PLCH1: variants seen among roughly 807,000 people sequenced by gnomAD.
The protein encoded by PLCH1 is phospholipase C eta 1.
In PLCH1, 60 loss-of-function variants were observed where a neutral mutation model predicts 126.7. The ratio of observed to expected loss-of-function variants is 0.47; its 90% CI spans 0.38 to 0.59. The LOEUF is 0.59. PLCH1 is among the 20% of genes least tolerant of loss of function. The pLI is 0.00. For synonymous variants in PLCH1, 719 were observed against 734.9 expected (o/e 0.98, Z 0.35); for missense variants, 1,723 against 2,040.0 (o/e 0.84, Z 2.99).
intron 6 of PLCH1, among the ~76,000 whole-genome samples, chr3:155,581,586 G>GAAGAGAT (rs541174376): frequency 1.1e-4 from 16 of 152,088 alleles, no homozygotes; most frequent in Non-Finnish European, 2.2e-4. Flanking sequence ...GAAATGTCCA[G>GAAGAGAT]AACAGATAAC....
chr3:155,571,739 G>T (rs915311444), intron 6 of PLCH1, among the ~76,000 whole-genome samples: 17 of 152,108 alleles, frequency 1.1e-4, no homozygotes, highest in African/African-American at 3.9e-4. Flanking sequence ...ATGCTATATT[G>T]TACACTTTAA....
intron 2 of PLCH1, among the ~76,000 whole-genome samples, chr3:155,667,902 T>TA (rs766010793): frequency 0.17 from 15,740 of 94,308 alleles, 1,806 homozygotes; most frequent in African/African-American, 0.27. Flanking sequence ...CCATCTCTAC[T>TA]TAAAAAAAAA....
In PLCH1 at chr3:155,548,318, T is replaced by A. The variant is rs566798148; in HGVS notation, c.1362+1469A>T. Among the ~76,000 whole-genome samples the A allele has an allele frequency of 2.9e-4, 44 of 152,348 alleles. 1 individual carries two copies. Among genetic ancestry groups the A allele is most frequent in the South Asian group, 1.4e-3 (7 of 4,832 alleles). The stretch of plus-strand genomic sequence containing the variant: ...TCCGCAGATCCAGGCAGCTCCTTAA[T>A]GTCTAAACAACATTACTACTAGCAA... On this transcript the variant is annotated intron_variant, in intron 10 of 22. Coordinates refer to ENST00000460012, the MANE Select transcript of PLCH1 (RefSeq NM_014996.4).
intron 2 of PLCH1, among the ~76,000 whole-genome samples, chr3:155,641,429 TG>T (rs1739389271): frequency 6.6e-6 from 1 of 152,110 alleles, no homozygotes; most frequent in Non-Finnish European, 1.5e-5. Context: ...GGTCAAAATT[TG>T]GGGGATAGGA....
chr3:155,561,411 C>A lies in PLCH1; in HGVS notation c.1069+3504G>T, dbSNP rs28660111. 3.8e-3 allele frequency among the ~76,000 whole-genome samples: 582 copies of A among 151,416 alleles called. 4 individuals are homozygous for A. Among genetic ancestry groups the A allele is most frequent in the Non-Finnish European group, 6.3e-3 (428 of 67,878 alleles). On this transcript the variant is annotated intron_variant, in intron 8 of 22. Coordinates refer to ENST00000460012, the MANE Select transcript of PLCH1 (RefSeq NM_014996.4). The stretch of plus-strand genomic sequence containing the variant: ...TGGTTTTTTGTTCTTGCGATAGTTT[C>A]CTGAGAATGATGATTTCCAATTTCA...
intron 21 of PLCH1, among the ~76,000 whole-genome samples, chr3:155,460,965 G>T (rs1158777020): frequency 2.0e-5 from 3 of 152,130 alleles, no homozygotes; most frequent in Admixed American, 1.3e-4. Flanking sequence ...CACTTAGTTT[G>T]TGTCTATTAT....
At chr3:155,727,040 TC>T (rs1748388487) in intron 1 of PLCH1, among the ~76,000 whole-genome samples, 1 of 151,962 alleles carries the variant, frequency 6.6e-6, no homozygotes, top group Non-Finnish European at 1.5e-5. Flanking sequence ...TGATTAATTT[TC>T]TATGCAGCTT....
chr3:155,564,487 C>A (rs1365503033), intron 8 of PLCH1, among the ~76,000 whole-genome samples: 1 of 152,100 alleles, frequency 6.6e-6, no homozygotes, highest in African/African-American at 2.4e-5. Context: ...ATCGCTTGAA[C>A]CTGGGAGGTG....
chr3:155,718,587 T>C (rs561486686), intron 1 of PLCH1, among the ~76,000 whole-genome samples: 9 of 152,254 alleles, frequency 5.9e-5, no homozygotes, highest in Admixed American at 3.3e-4. Context: ...CTCTTACTCA[T>C]GGTGGAAGGT....
chr3:155,596,516 GA>G (rs1248609222), intron 2 of PLCH1, 138 bp from the exon 3 acceptor site: 3 of 500,544 alleles, frequency 6.0e-6, no homozygotes, highest in Non-Finnish European at 1.0e-5. Context: ...GAGGTAATCT[GA>G]AAAGTGAGTT....
chr3:155,471,391 T>A (rs948465020), intron 21 of PLCH1, among the ~76,000 whole-genome samples: 2 of 151,600 alleles, frequency 1.3e-5, no homozygotes, highest in African/African-American at 4.9e-5. Context: ...CCTAAATATA[T>A]ATGCGCCCAA....
At chr3:155,561,109 C>A (rs1727528556) in intron 8 of PLCH1, among the ~76,000 whole-genome samples, 1 of 110,262 alleles carries the variant, frequency 9.1e-6, no homozygotes, top group Non-Finnish European at 2.5e-5. Flanking sequence ...TTCTAATCAC[C>A]TTTTCTTTTT....
At position 155,504,587 on chromosome 3, in the gene PLCH1, G is replaced by A. The variant is rs142222970; in HGVS notation, c.1672C>T (p.Arg558Ter). 1.2e-6 allele frequency: 2 copies of A among 1,606,968 alleles called. No homozygotes were observed. Among genetic ancestry groups the A allele is most frequent in the Non-Finnish European group, 1.7e-6 (2 of 1,173,556 alleles). Reference protein sequence around the residue: ...VKESGKKSHGRSLMTNFGKHK... With the variant: ...VKESGKKSHG Reference sequence around the variant, plus strand: ...TTTCCAAAGTTGGTCATGAGGGATCGTCCATGTGATTTCTTTCCACTTTCC... The same window carrying A: ...TTTCCAAAGTTGGTCATGAGGGATCATCCATGTGATTTCTTTCCACTTTCC... The change falls in exon 13 of 23, where the codon CGA (arginine) becomes TGA (stop). Residue 558 changes from arginine to a stop codon, truncating the protein, a stop_gained. Coordinates refer to ENST00000460012, the MANE Select transcript of PLCH1 (RefSeq NM_014996.4). LOFTEE classifies it high-confidence loss of function.
chr3:155,740,069 ATG>A (rs1366989235), intron 1 of PLCH1, among the ~76,000 whole-genome samples: 1 of 152,186 alleles, frequency 6.6e-6, no homozygotes, highest in Non-Finnish European at 1.5e-5. Context: ...TGTGTACCAT[ATG>A]TGTTCTCATG....
chr3:155,567,719 C>T (rs904576690), intron 7 of PLCH1, among the ~76,000 whole-genome samples: 4 of 152,088 alleles, frequency 2.6e-5, no homozygotes, highest in African/African-American at 9.7e-5. Context: ...TAACTGTGGG[C>T]AAATTATTTA....
In PLCH1 at chr3:155,544,666, T is replaced by A. The variant is rs1184956322; in HGVS notation, c.1362+5121A>T. ...AGCTCTCCTCAGCAAATGTAAAAGA[T>A]CAGAAATTATAACAAACTGTCTCTC... On this transcript the variant is annotated intron_variant, in intron 10 of 22. Transcript: ENST00000460012. 1.3e-4 allele frequency among the ~76,000 whole-genome samples: 19 copies of A among 151,602 alleles called. No individual in the cohort carries two copies. In the South Asian group the frequency reaches 2.9e-3, roughly 23 times the overall value.
In PLCH1 at chr3:155,480,546, T is replaced by G. The variant is rs1299053603; in HGVS notation, c.*422A>C. The G allele has an allele frequency of 6.4e-6, 1 of 156,996 alleles. No homozygotes were observed. The highest frequency in any genetic ancestry group is 1.4e-5 in the Non-Finnish European group (1 of 71,116). The allele number at this position is 156,996 out of a possible 1,614,324, so 9.7% of individuals were successfully genotyped here. A position where few individuals can be genotyped will look rare whatever the true frequency, so the allele number is the denominator to read the frequency against. On this transcript the variant is annotated 3_prime_UTR_variant, in exon 23 of 23. Transcript: ENST00000460012. ...AAACATAGGAAAAATGATAACAGAT[T>G]AAAGTAAGGAATTCATCCCTTTGTC...
At chr3:155,676,136 G>C (rs1744063866) in intron 2 of PLCH1, 2 of 1,374,304 alleles carry the variant, frequency 1.5e-6, no homozygotes, top group Non-Finnish European at 1.9e-6. Context: ...AAGGGTGGGG[G>C]GAAAAAAGGC....
chr3:155,598,710 C>T (rs1321706284), intron 2 of PLCH1, among the ~76,000 whole-genome samples: 2 of 152,122 alleles, frequency 1.3e-5, no homozygotes, highest in African/African-American at 4.8e-5. Context: ...CTACATACAG[C>T]TAGTAACTCA....
Sources: allele counts gnomAD v4.1 joint callset (sites outside exome capture counted in the v4.1 genomes callset), GRCh38; gene constraint gnomAD v4.1.1; transcripts MANE v1.5; gene names NCBI Gene and HGNC (gene_info 2026-07-23, HGNC 2026-07-21).